Variants in DBN1 observed in about 807,000 individuals in gnomAD.
The protein encoded by DBN1 is drebrin 1.
Under a neutral mutation model 83.5 loss-of-function variants are expected in DBN1, and 21 were observed. That is an observed-to-expected ratio of 0.25 (90% CI 0.18 to 0.36). The LOEUF is 0.36. Among genes scored for constraint, DBN1 ranks in the 10% least tolerant of loss-of-function variants. DBN1 has a pLI of 1.00. For synonymous variants in DBN1, 381 were observed against 384.9 expected (o/e 0.99, Z 0.12); for missense variants, 874 against 935.7 (o/e 0.93, Z 0.86).
At chr5:177,468,243 A>C in intron 2 of DBN1, 23 bp from the exon 3 acceptor site, 1 of 1,597,940 alleles carries the variant, frequency 6.3e-7, no homozygotes, top group Non-Finnish European at 8.6e-7. Flanking sequence ...GGAGAGTGTC[A>C]GGTCTCTCTG....
At position 177,467,861 on chromosome 5, in the gene DBN1, G is replaced by GA; in HGVS notation, c.256-45_256-44insT. Reference sequence around the variant, plus strand: ...AGAGGGGGTCAGGAAAGGACAAGGGGGGCCCTACACGATAGGGTGCATCTT... The same window carrying GA: ...AGAGGGGGTCAGGAAAGGACAAGGGGAGGCCCTACACGATAGGGTGCATCTT... On this transcript the variant is annotated intron_variant, in intron 3 of 14. Coordinates refer to ENST00000393565, the MANE Select transcript of DBN1 (RefSeq NM_001363541.2). This position sits in a 1 kb window ranked among gnomAD's most constrained non-coding sequence, Gnocchi z 9.1. The GA allele has an allele frequency of 6.3e-7, 1 of 1,582,642 alleles. No individual in the cohort carries two copies. Among genetic ancestry groups the GA allele is most frequent in the Non-Finnish European group, 8.6e-7 (1 of 1,162,492 alleles).
intron 1 of DBN1, chr5:177,472,953 C>T (rs1757955902): frequency 1.8e-6 from 1 of 556,384 alleles, no homozygotes; most frequent in South Asian, 7.8e-5. Context: ...CCCCCGCCCT[C>T]GCTTTCCTTT....
At chr5:177,457,631 C>T (rs1161076098) in intron 14 of DBN1, 24 bp downstream of exon 14, 1 of 1,551,416 alleles carries the variant, frequency 6.4e-7, no homozygotes, top group East Asian at 2.2e-5. Flanking sequence ...CCAAATTCCT[C>T]CCCATCATCC....
At chr5:177,465,356 T>G (rs759660323) in intron 8 of DBN1, among the ~76,000 whole-genome samples, 69 of 152,266 alleles carry the variant, frequency 4.5e-4, no homozygotes, top group Non-Finnish European at 8.1e-4. Flanking sequence ...GCGATTCCAC[T>G]GATAGGCAGT....
intron 8 of DBN1, chr5:177,462,221 C>G (rs1252121645): frequency 1.0e-6 from 1 of 985,182 alleles, no homozygotes; most frequent in Non-Finnish European, 1.2e-6. Context: ...CACCCCAAGG[C>G]TCCCACATAC....
rs1757425234 is a variant in DBN1 at position 177,466,088 on chromosome 5, G to C, written c.771+684C>G. Among the ~76,000 whole-genome samples the C allele has an allele frequency of 6.6e-6, 1 of 152,016 alleles. No homozygotes were observed. Among genetic ancestry groups the C allele is most frequent in the Admixed American group, 6.5e-5 (1 of 15,270 alleles). On this transcript the variant is annotated intron_variant, in intron 8 of 14. Transcript: ENST00000393565. The surrounding 1 kb of genome is among the most constrained non-coding windows in gnomAD (Gnocchi z 4.8). Reference sequence around the variant, plus strand: ...GCCTCCTCTCTCTCAGCCTCCTGTGGGTGACTCCGGAGCCCGTTTGAGTCC... The same window carrying C: ...GCCTCCTCTCTCTCAGCCTCCTGTGCGTGACTCCGGAGCCCGTTTGAGTCC...
intron 11 of DBN1, 46 bp downstream of exon 11, chr5:177,459,557 G>A (rs1756850397): frequency 6.9e-7 from 1 of 1,454,660 alleles, no homozygotes; most frequent in Non-Finnish European, 9.1e-7. Flanking sequence ...GCTGGGAAGC[G>A]GGGCCCTCCT....
At chr5:177,471,693 G>C (rs1757853830) in intron 1 of DBN1, among the ~76,000 whole-genome samples, 1 of 152,162 alleles carries the variant, frequency 6.6e-6, no homozygotes, top group Admixed American at 6.5e-5. Flanking sequence ...ATGTGCGAGG[G>C]TACATGTGTG....
In DBN1 at chr5:177,461,988, C is replaced by A. The variant is rs554989681; in HGVS notation, c.772-1285G>T. Among the ~76,000 whole-genome samples, 4 of 152,288 alleles carry A rather than the reference C, an allele frequency of 2.6e-5. No individual in the cohort carries two copies. The South Asian group carries it at 8.3e-4, about 32-fold the overall frequency. ...TTCTCTTGAGGTGACAGAGCCCTGG[C>A]GACATCACCTGCAAGCCCGGAGCAG... On this transcript the variant is annotated intron_variant, in intron 8 of 14. Coordinates refer to ENST00000393565, the MANE Select transcript of DBN1 (RefSeq NM_001363541.2).
At position 177,472,299 on chromosome 5, in the gene DBN1, C is replaced by T. The variant is rs894519392; in HGVS notation, c.86+1137G>A. On this transcript the variant is annotated intron_variant, in intron 1 of 14. Transcript: ENST00000393565. Reference sequence around the variant, plus strand: ...GGTGAGGCCAGCCCAAGCGGGGTCCCTCAGACCTGCCCTCCTCTTTGCCTC... The same window carrying T: ...GGTGAGGCCAGCCCAAGCGGGGTCCTTCAGACCTGCCCTCCTCTTTGCCTC... 3 of 1,573,384 alleles carry T rather than the reference C, an allele frequency of 1.9e-6. No individual in the cohort carries two copies. The East Asian group carries it at 7.0e-5, about 37-fold the overall frequency.
In DBN1 at chr5:177,457,163, A is replaced by C; in HGVS notation, c.*270T>G. On this transcript the variant is annotated 3_prime_UTR_variant, in exon 15 of 15. Coordinates refer to ENST00000393565, the MANE Select transcript of DBN1 (RefSeq NM_001363541.2). The stretch of plus-strand genomic sequence containing the variant: ...TAAGAGCTACAATCTGGACCAGGGA[A>C]GGAGGGGTGGAATTTGCAACAGCGT... 1.2e-5 allele frequency: 6 copies of C among 504,752 alleles called. No individual in the cohort carries two copies. Among genetic ancestry groups the C allele is most frequent in the East Asian group, 7.0e-5 (2 of 28,554 alleles). 31.3% of individuals were successfully genotyped at this position (504,752 alleles called of 1,614,324 possible). A position where few individuals can be genotyped will look rare whatever the true frequency, so the allele number is the denominator to read the frequency against.
intron 8 of DBN1, among the ~76,000 whole-genome samples, chr5:177,461,147 G>A (rs1216428057): frequency 1.5e-5 from 2 of 136,494 alleles, no homozygotes; most frequent in East Asian, 4.2e-4. Context: ...CGCCCAGGCT[G>A]GAGTGCAGTG....
At chr5:177,470,549 C>A (rs943344492) in intron 1 of DBN1, among the ~76,000 whole-genome samples, 2 of 152,162 alleles carry the variant, frequency 1.3e-5, no homozygotes, top group Non-Finnish European at 2.9e-5. Flanking sequence ...ATTGGACCAC[C>A]CTGTCCACAC....
rs758849423 is a variant in DBN1, at chr5:177,459,127, G to A, written c.1235C>T (p.Pro412Leu). The change falls in exon 12 of 15, where the codon CCA becomes CTA. Residue 412 changes from proline to leucine, a missense_variant. Pro to Leu is a moderately conservative substitution (Grantham distance 98). Around this residue, in one of 4 missense-constraint regions of DBN1, gnomAD observed 725 missense variants for 719.7 expected, o/e 1.01. Coordinates refer to ENST00000393565, the MANE Select transcript of DBN1 (RefSeq NM_001363541.2). ...GGCTGGTGGGGGTGGCGGTGGCAGTGGTGGAGGCTGCGAGGAGGTGACCTC... is the reference window on the plus strand; with the variant it reads ...GGCTGGTGGGGGTGGCGGTGGCAGTAGTGGAGGCTGCGAGGAGGTGACCTC... ...LDEVTSSQPP[P>L]LPPPPPPAQE... 3 of 1,610,776 alleles carry A rather than the reference G, an allele frequency of 1.9e-6. No homozygotes were observed. The highest frequency in any genetic ancestry group is 2.2e-5 in the South Asian group (2 of 90,908).
intron 8 of DBN1, among the ~76,000 whole-genome samples, chr5:177,461,550 G>A (rs2127395870): frequency 6.6e-6 from 1 of 152,170 alleles, no homozygotes; most frequent in South Asian, 2.1e-4. Context: ...CAGGCCTCTG[G>A]GCACCAGGCT....
intron 8 of DBN1, among the ~76,000 whole-genome samples, chr5:177,464,968 C>T (rs998497264): frequency 2.6e-5 from 4 of 152,174 alleles, no homozygotes; most frequent in South Asian, 4.1e-4. Flanking sequence ...CCCTGGCTAA[C>T]ATGGTGAAAC....
At position 177,466,832 on chromosome 5, in the gene DBN1, C is replaced by T. The variant is rs749256378; in HGVS notation, c.711G>A (p.Arg237=). Residue 237 remains arginine, a synonymous_variant, in exon 8 of 15, where the codon AGG becomes AGA. Coordinates refer to ENST00000393565, the MANE Select transcript of DBN1 (RefSeq NM_001363541.2). The surrounding 1 kb of genome is among the most constrained non-coding windows in gnomAD (Gnocchi z 4.8). ...CTTCCGCTTCTAAAGTCTGCTGTTT[C>T]CTCCTGGAACGATAAGCAGCCAGCA... ...EREQQIEEHR[R]KQQTLEAEEA... is the part of the protein sequence containing the mutation. The T allele has an allele frequency of 6.2e-6, 10 of 1,614,036 alleles. No individual in the cohort carries two copies. Among genetic ancestry groups the T allele is most frequent in the Non-Finnish European group, 4.2e-6 (5 of 1,180,024 alleles).
chr5:177,473,278 G>A, intron 1 of DBN1, 158 bp downstream of exon 1: 1 of 354,162 alleles, frequency 2.8e-6, no homozygotes, highest in Non-Finnish European at 4.8e-6. Context: ...CCCCTCCCCC[G>A]GCGCGCACAA....
chr5:177,462,490 C>T, intron 8 of DBN1: 1 of 774,702 alleles, frequency 1.3e-6, no homozygotes, highest in Non-Finnish European at 1.6e-6. Flanking sequence ...ACCACGATGA[C>T]ACCACATCCT....
Sources: allele counts gnomAD v4.1 joint callset (sites outside exome capture counted in the v4.1 genomes callset), GRCh38; gene constraint gnomAD v4.1.1; regional missense constraint gnomAD v4.1.1; non-coding constraint Gnocchi (gnomAD v3.1); transcripts MANE v1.5; gene names NCBI Gene and HGNC (gene_info 2026-07-23, HGNC 2026-07-21).